Variants in CFAP299 observed in about 807,000 individuals in gnomAD.
The protein encoded by CFAP299 is cilia- and flagella-associated protein 299.
A neutral mutation model predicts 27.0 loss-of-function variants in CFAP299; 21 were observed. The ratio of observed to expected loss-of-function variants is 0.78; its 90% CI spans 0.55 to 1.12. CFAP299 has a LOEUF of 1.12. CFAP299 is among the 50% of genes most tolerant of loss of function. The probability of loss-of-function intolerance (pLI) is 0.00; values close to 1 mark genes in which losing one functional copy is unlikely to be tolerated. For synonymous variants in CFAP299, 104 were observed against 98.1 expected (o/e 1.06, Z -0.36); for missense variants, 310 against 276.6 (o/e 1.12, Z -0.86).
chr4:80,849,568 T>C (rs1407182118), intron 3 of CFAP299, among the ~76,000 whole-genome samples: 2 of 152,124 alleles, frequency 1.3e-5, no homozygotes, highest in Admixed American at 6.5e-5. Context: ...ATTGAGAAGA[T>C]AGTTATAGTT....
At chr4:80,421,676 C>T (rs1727291558) in intron 2 of CFAP299, among the ~76,000 whole-genome samples, 2 of 152,054 alleles carry the variant, frequency 1.3e-5, no homozygotes, top group South Asian at 4.1e-4. Flanking sequence ...TCCTTAGAAG[C>T]GGGATTTCAT....
intron 3 of CFAP299, among the ~76,000 whole-genome samples, chr4:80,866,629 G>A (rs1428739666): frequency 6.6e-5 from 10 of 152,262 alleles, no homozygotes; most frequent in East Asian, 1.9e-4. Context: ...ATTGAGAGTA[G>A]TTTGAGTGAC....
intron 3 of CFAP299, among the ~76,000 whole-genome samples, chr4:80,635,450 C>T (rs1193900839): frequency 2.0e-5 from 3 of 152,114 alleles, no homozygotes; most frequent in African/African-American, 4.8e-5. Context: ...TCCCACATTA[C>T]TTCCTTTACT....
intron 4 of CFAP299, among the ~76,000 whole-genome samples, chr4:80,924,893 C>A (rs189651881): frequency 5.0e-4 from 76 of 151,554 alleles, no homozygotes; most frequent in Admixed American, 1.5e-3. Context: ...ATTTTATTTT[C>A]TGTGATCTAT....
chr4:80,934,670 A>G (rs990892391), intron 4 of CFAP299, among the ~76,000 whole-genome samples: 2 of 151,772 alleles, frequency 1.3e-5, no homozygotes, highest in East Asian at 1.9e-4. Context: ...GGTTTATCCA[A>G]TTTGTTGGTA....
intron 3 of CFAP299, among the ~76,000 whole-genome samples, chr4:80,632,042 A>G (rs1739240676): frequency 1.3e-5 from 2 of 152,126 alleles, no homozygotes; most frequent in Middle Eastern, 3.4e-3. Flanking sequence ...CCTGAAGAAG[A>G]AGAGCCTCTC....
At chr4:80,955,927 G>A (rs1186076576) in intron 5 of CFAP299, among the ~76,000 whole-genome samples, 1 of 152,152 alleles carries the variant, frequency 6.6e-6, no homozygotes, top group African/African-American at 2.4e-5. Flanking sequence ...TTGAACCTGG[G>A]AGGCAGAGAT....
chr4:80,550,244 G>A (rs72863103), intron 2 of CFAP299, among the ~76,000 whole-genome samples: 1 of 151,692 alleles, frequency 6.6e-6, no homozygotes, highest in Non-Finnish European at 1.5e-5. Context: ...TAGGCATGTT[G>A]GCATATAAAA....
chr4:80,627,699 G>A (rs760978227), intron 3 of CFAP299, among the ~76,000 whole-genome samples: 18 of 151,832 alleles, frequency 1.2e-4, no homozygotes, highest in East Asian at 1.9e-4. Flanking sequence ...TTCACTAATA[G>A]CAAGCTATCT....
chr4:80,948,923 G>A (rs1737617490), intron 5 of CFAP299, among the ~76,000 whole-genome samples: 4 of 152,014 alleles, frequency 2.6e-5, no homozygotes, highest in Middle Eastern at 6.8e-3. Context: ...AGCAGAAATG[G>A]GTATAGTCAT....
At chr4:80,824,490 C>T (rs1349452838) in intron 3 of CFAP299, among the ~76,000 whole-genome samples, 1 of 152,136 alleles carries the variant, frequency 6.6e-6, no homozygotes, top group Non-Finnish European at 1.5e-5. Context: ...ATTGTAAGCT[C>T]CTCCCCCTCT....
intron 2 of CFAP299, among the ~76,000 whole-genome samples, chr4:80,393,435 CCACTGACT>C (rs70944778): frequency 0.058 from 8,756 of 152,132 alleles, 320 homozygotes; most frequent in South Asian, 0.17. Flanking sequence ...CATTCACTCA[CCACTGACT>C]CACTGACTCA....
chr4:80,386,278 T>C, intron 2 of CFAP299: 1 of 1,235,716 alleles, frequency 8.1e-7, no homozygotes, highest in South Asian at 1.3e-5. Flanking sequence ...GCCCAGCCCC[T>C]CAGCTGTCCA....
At chr4:80,419,477 G>A (rs1476766218) in intron 2 of CFAP299, among the ~76,000 whole-genome samples, 1 of 152,118 alleles carries the variant, frequency 6.6e-6, no homozygotes, top group Non-Finnish European at 1.5e-5. Context: ...CTGCCATTTT[G>A]CCTCCTAATG....
chr4:80,839,657 T>TA (rs1730757360), intron 3 of CFAP299, among the ~76,000 whole-genome samples: 1 of 151,552 alleles, frequency 6.6e-6, no homozygotes, highest in African/African-American at 2.4e-5. Context: ...AAATTCCTCA[T>TA]AAAAATCAAA....
intron 3 of CFAP299, among the ~76,000 whole-genome samples, chr4:80,809,114 A>T (rs941450288): frequency 2.6e-5 from 4 of 152,164 alleles, no homozygotes; most frequent in Non-Finnish European, 4.4e-5. Flanking sequence ...AAAAAAGCCA[A>T]CAAACTATTT....
chr4:80,759,452 C>T (rs1054231654), intron 3 of CFAP299, among the ~76,000 whole-genome samples: 2 of 152,048 alleles, frequency 1.3e-5, no homozygotes, highest in Non-Finnish European at 2.9e-5. Flanking sequence ...TTTTGAGTGG[C>T]GGGCAACTGT....
intron 3 of CFAP299, among the ~76,000 whole-genome samples, chr4:80,617,021 C>A (rs1738327092): frequency 6.6e-6 from 1 of 151,954 alleles, no homozygotes; most frequent in Non-Finnish European, 1.5e-5. Flanking sequence ...ATAGATCCAG[C>A]AATTCCAACT....
At chr4:80,620,711 C>T (rs1000017836) in intron 3 of CFAP299, among the ~76,000 whole-genome samples, 1 of 152,048 alleles carries the variant, frequency 6.6e-6, no homozygotes, top group Non-Finnish European at 1.5e-5. Context: ...TCTCCTGCCT[C>T]TTTTGTCTGC....
Sources: allele counts gnomAD v4.1 joint callset (sites outside exome capture counted in the v4.1 genomes callset), GRCh38; gene constraint gnomAD v4.1.1; transcripts MANE v1.5; gene names NCBI Gene and HGNC (gene_info 2026-07-23, HGNC 2026-07-21).